GAREM2: variants seen among roughly 807,000 people sequenced by gnomAD.
GAREM2 encodes GRB2 associated regulator of MAPK1 subtype 2.
In GAREM2, 30 loss-of-function variants were observed where a neutral mutation model predicts 55.6. That is an observed-to-expected ratio of 0.54 (90% CI 0.40 to 0.73). GAREM2 has a LOEUF of 0.73. Among genes scored for constraint, GAREM2 ranks in the 30% least tolerant of loss-of-function variants. GAREM2 has a pLI of 0.00. For missense variants in GAREM2, 1,075 were observed against 1,257.7 expected (o/e 0.85, Z 2.20); for synonymous variants, 550 against 569.1 (o/e 0.97, Z 0.48).
Position 26,184,913 on chromosome 2 carries a change from C to T in GAREM2, c.1065C>T (p.Asp355=). 6.9e-7 allele frequency: 1 copy of T among 1,442,234 alleles called. No individual in the cohort carries two copies. The highest frequency in any genetic ancestry group is 9.0e-7 in the Non-Finnish European group (1 of 1,107,288). The allele number at this position is 1,442,234 out of a possible 1,614,324, so 89.3% of individuals were successfully genotyped here. ...ACTGCCGCGAGCGCTTCGACCCCGA[C>T]GAGTACTCCACGGCCGTGCGCGAGG... The part of the protein sequence containing the change: ...ASYCRERFDP[D]EYSTAVREAP... Residue 355 remains aspartate (D), a synonymous_variant, in exon 4 of 6, where the codon GAC becomes GAT. Coordinates refer to ENST00000401533, the MANE Select transcript of GAREM2 (RefSeq NM_001168241.2).
At chr2:26,174,268 G>T (rs193132215) in intron 1 of GAREM2, among the ~76,000 whole-genome samples, 27 of 152,316 alleles carry the variant, frequency 1.8e-4, no homozygotes, top group Non-Finnish European at 3.2e-4. Flanking sequence ...CCCGGGAGCA[G>T]GCTCATGGGG....
At chr2:26,194,573 G>A (rs757813588), downstream of GAREM2, 12 of 1,598,678 alleles carry the variant, frequency 7.5e-6, no homozygotes, top group East Asian at 2.5e-4. Context: ...TACCAACCTG[G>A]AGGATTCGGA....
chr2:26,173,657 GC>G (rs1430507842), intron 1 of GAREM2, among the ~76,000 whole-genome samples: 2 of 151,558 alleles, frequency 1.3e-5, no homozygotes, highest in Admixed American at 6.6e-5. Context: ...CTGCCCCTGG[GC>G]CCCCCGCCCC....
intron 2 of GAREM2, chr2:26,182,298 G>A: frequency 6.9e-7 from 1 of 1,441,592 alleles, no homozygotes; most frequent in Non-Finnish European, 9.1e-7. Flanking sequence ...CTCTCAGGGA[G>A]GTGGCTTTGC....
intron 1 of GAREM2, among the ~76,000 whole-genome samples, chr2:26,173,928 C>T (rs920820023): frequency 6.6e-6 from 1 of 152,148 alleles, no homozygotes; most frequent in African/African-American, 2.4e-5. Context: ...CGAATCTTGT[C>T]CCACTTCTTA....
the GAREM2 span, chr2:26,204,152 G>A: frequency 1.2e-6 from 2 of 1,613,632 alleles, no homozygotes; most frequent in East Asian, 4.5e-5. Flanking sequence ...GGAGACTTGG[G>A]CGATGCCTGC....
At chr2:26,195,004 C>T in the GAREM2 span, 10 of 1,136,548 alleles carry the variant, frequency 8.8e-6, no homozygotes, top group Non-Finnish European at 1.3e-5. Flanking sequence ...GTCATTTGCC[C>T]CAGAATATTT....
chr2:26,176,327 C>T lies in GAREM2; in HGVS notation c.113-17C>T. The T allele has an allele frequency of 6.6e-7, 1 of 1,519,088 alleles. No individual in the cohort carries two copies. Among genetic ancestry groups the T allele is most frequent in the Middle Eastern group, 1.7e-4 (1 of 5,874 alleles). 94.1% of individuals were successfully genotyped at this position (1,519,088 alleles called of 1,614,324 possible). On this transcript the variant is annotated splice_polypyrimidine_tract_variant and intron_variant, in intron 1 of 5. Transcript: ENST00000401533. The stretch of plus-strand genomic sequence containing the variant: ...GTCTTCCTTCCCCTCATCCTCTGTC[C>T]TCCTCCCCCTTCCCAGGGGAGTACG...
rs1305584888 is a variant in GAREM2 at position 26,187,298 on chromosome 2, A to T, written c.1666A>T (p.Thr556Ser). 1 of 1,507,062 alleles carries T rather than the reference A, an allele frequency of 6.6e-7. No homozygotes were observed. The highest frequency in any genetic ancestry group is 8.9e-7 in the Non-Finnish European group (1 of 1,125,040). The allele number at this position is 1,507,062 out of a possible 1,614,324, so 93.4% of individuals were successfully genotyped here. Reference protein sequence around the residue: ...DTYSLYCYPCTWGDCKVGESS... With the variant: ...DTYSLYCYPCSWGDCKVGESS... ...CTACTCCCTCTATTGCTACCCATGC[A>T]CCTGGGGAGACTGCAAGGTGGGCGA... Residue 556 changes from threonine (T) to serine (S), a missense_variant, in exon 6 of 6, where the codon ACC (threonine) becomes TCC (serine). Coordinates refer to ENST00000401533, the MANE Select transcript of GAREM2 (RefSeq NM_001168241.2).
rs1373857978 is a variant in GAREM2 at position 26,173,322 on chromosome 2, C to T, written c.102C>T (p.Cys34=). 4 of 1,398,690 alleles carry T rather than the reference C, an allele frequency of 2.9e-6. No homozygotes were observed. Among genetic ancestry groups the T allele is most frequent in the Non-Finnish European group, 3.7e-6 (4 of 1,070,904 alleles). The allele number at this position is 1,398,690 out of a possible 1,614,324, so 86.6% of individuals were successfully genotyped here. Residue 34 remains cysteine (C), a synonymous_variant, in exon 1 of 6, where the codon TGC becomes TGT. Coordinates refer to ENST00000401533, the MANE Select transcript of GAREM2 (RefSeq NM_001168241.2). ...GCTGCCGCCTGCCCACGCTCGCCTGCCTTGGGCCAGGTACCGGGGTCGCTG... is the reference window on the plus strand; with the variant it reads ...GCTGCCGCCTGCCCACGCTCGCCTGTCTTGGGCCAGGTACCGGGGTCGCTG... The part of the protein sequence containing the change: ...VSRCRLPTLA[C]LGPGEYAEGV...
rs945244213 is a variant in GAREM2, at chr2:26,179,374, A to G, written c.253+2890A>G. On this transcript the variant is annotated intron_variant, in intron 2 of 5. Coordinates refer to ENST00000401533, the MANE Select transcript of GAREM2 (RefSeq NM_001168241.2). This position sits in a 1 kb window ranked among gnomAD's most constrained non-coding sequence, Gnocchi z 4.7. ...CCAGAGAGATTAAATAATTTGCCCA[A>G]GGTCACACAGCTGGCTAGTGGCAGG... Among the ~76,000 whole-genome samples the G allele has an allele frequency of 1.3e-5, 2 of 152,202 alleles. No individual in the cohort carries two copies. Among genetic ancestry groups the G allele is most frequent in the East Asian group, 1.9e-4 (1 of 5,192 alleles).
chr2:26,186,097 A>G, intron 4 of GAREM2, 92 bp from the exon 5 acceptor site: 1 of 1,280,904 alleles, frequency 7.8e-7, no homozygotes, highest in East Asian at 2.6e-5. Flanking sequence ...TGTCAGGCCC[A>G]GACAGCCCCC....
At chr2:26,191,252 A>G (rs1802579), downstream of GAREM2, 1 of 1,612,432 alleles carries the variant, frequency 6.2e-7, no homozygotes, top group Non-Finnish European at 8.5e-7. Context: ...AGGCCTGCTC[A>G]CTGGTAGAAC....
chr2:26,189,660 G>A lies in GAREM2; in HGVS notation c.*1403G>A, dbSNP rs1574598713. 2 of 137,374 alleles carry A rather than the reference G, an allele frequency of 1.5e-5. No individual in the cohort carries two copies. 8.5% of individuals were successfully genotyped at this position (137,374 alleles called of 1,614,324 possible). A position where few individuals can be genotyped will look rare whatever the true frequency, so the allele number is the denominator to read the frequency against. ...TAGACTGCTGAAGATGAGTACAAGT[G>A]GCATTCTGGGTGCCAGCTGCTTTCT... is the stretch of plus-strand genomic sequence containing the variant. On this transcript the variant is annotated 3_prime_UTR_variant, in exon 6 of 6. Transcript: ENST00000401533.
At chr2:26,200,763 C>T in the GAREM2 span, among the ~76,000 whole-genome samples, 2 of 150,374 alleles carry the variant, frequency 1.3e-5, no homozygotes, top group East Asian at 1.9e-4. Flanking sequence ...GATGGAGTCT[C>T]GCTCTGTCAC....
chr2:26,185,040 G>GCGCCGGCTCC lies in GAREM2; in HGVS notation c.1200_1209dup (p.Glu404SerfsTer167). Reference sequence around the variant, plus strand: ...GCTCGCCCGCGCCCCCGGCCCGCTAGCGCCGGCTCCCGCCGGCGAGGGCGA... The same window carrying GCGCCGGCTCC: ...GCTCGCCCGCGCCCCCGGCCCGCTAGCGCCGGCTCCCGCCGGCTCCCGCCGGCGAGGGCGA... On this transcript the variant is annotated frameshift_variant, in exon 4 of 6. Transcript: ENST00000401533. LOFTEE classifies it high-confidence loss of function. 8.4e-7 allele frequency: 1 copy of GCGCCGGCTCC among 1,192,862 alleles called. No individual in the cohort carries two copies. Among genetic ancestry groups the GCGCCGGCTCC allele is most frequent in the Non-Finnish European group, 1.0e-6 (1 of 962,688 alleles). The allele number at this position is 1,192,862 out of a possible 1,614,324, so 73.9% of individuals were successfully genotyped here.
the GAREM2 span, among the ~76,000 whole-genome samples, chr2:26,198,101 G>A: frequency 6.6e-6 from 1 of 152,100 alleles, no homozygotes; most frequent in East Asian, 1.9e-4. Flanking sequence ...GCCTTGAATT[G>A]CAATTCATTG....
chr2:26,173,598 A>G (rs1668767906), intron 1 of GAREM2, among the ~76,000 whole-genome samples: 1 of 152,024 alleles, frequency 6.6e-6, no homozygotes, highest in African/African-American at 2.4e-5. Context: ...GAGTCCGGAA[A>G]GGGGCCGAGC....
chr2:26,191,419 T>C (rs775407799), downstream of GAREM2: 6 of 1,614,050 alleles, frequency 3.7e-6, no homozygotes, highest in South Asian at 2.2e-5. Context: ...GAGGACTTCG[T>C]TGAAGGAGAC....
Sources: allele counts gnomAD v4.1 joint callset (sites outside exome capture counted in the v4.1 genomes callset), GRCh38; gene constraint gnomAD v4.1.1; non-coding constraint Gnocchi (gnomAD v3.1); transcripts MANE v1.5; gene names NCBI Gene and HGNC (gene_info 2026-07-23, HGNC 2026-07-21).